The following PTPRA variants were observed in gnomAD, a reference collection of about 807,000 sequenced individuals.
PTPRA encodes the protein protein tyrosine phosphatase receptor type A.
In PTPRA, 25 loss-of-function variants were observed where a neutral mutation model predicts 104.8. The observed-to-expected ratio is 0.24, with a 90% CI of 0.17 to 0.33. The LOEUF (loss-of-function observed/expected upper bound fraction) is 0.33, where lower values mean the gene tolerates loss of function less well. Ranked by LOEUF, PTPRA falls within the 10% of genes least tolerant of loss-of-function variation. The pLI, the probability that PTPRA is intolerant of heterozygous loss-of-function variation, is 1.00. For missense variants in PTPRA, 765 were observed against 1,015.3 expected (o/e 0.75, Z 3.35); for synonymous variants, 323 against 368.9 (o/e 0.88, Z 1.43).
intron 9 of PTPRA, among the ~76,000 whole-genome samples, chr20:2,989,762 A>G (rs190172940): frequency 0.011 from 1,666 of 152,318 alleles, 14 homozygotes; most frequent in Non-Finnish European, 0.016. Context: ...TCACGCCTGT[A>G]ATCCCAGCAC....
At chr20:2,948,917 A>C (rs183215516) in intron 3 of PTPRA, among the ~76,000 whole-genome samples, 11 of 152,138 alleles carry the variant, frequency 7.2e-5, no homozygotes, top group Admixed American at 5.9e-4. Flanking sequence ...GCACCACTGC[A>C]CTCCAGCCTG....
chr20:3,025,943 TTTTTC>T (rs1406724354), intron 17 of PTPRA, among the ~76,000 whole-genome samples: 3 of 149,008 alleles, frequency 2.0e-5, no homozygotes, highest in African/African-American at 7.3e-5. Flanking sequence ...TGCATTTCTT[TTTTTC>T]TTTTCTTTTT....
At chr20:2,977,131 C>G (rs145336914) in intron 6 of PTPRA, among the ~76,000 whole-genome samples, 2,347 of 151,908 alleles carry the variant, frequency 0.015, 124 homozygotes, top group Admixed American at 0.09. Flanking sequence ...CAAAAATTAG[C>G]CGGGCGTGGT....
chr20:2,867,899 T>C, the PTPRA span, among the ~76,000 whole-genome samples: 2 of 152,218 alleles, frequency 1.3e-5, no homozygotes, highest in East Asian at 1.9e-4. Context: ...CAAGGAGATA[T>C]AAGTCAAATG....
intron 12 of PTPRA, among the ~76,000 whole-genome samples, 192 bp from the exon 13 acceptor site, chr20:3,017,624 G>C (rs2064530622): frequency 6.6e-6 from 1 of 152,192 alleles, no homozygotes; most frequent in Admixed American, 6.5e-5. Context: ...TCCTTGTGCA[G>C]TGCCTGGCAC....
rs1012387600 is a variant in PTPRA, at chr20:2,941,728, C to T, written c.-49-6254C>T. ...CCCCTTACTCTTTATACTTCAGACA[C>T]GGTGGCTTCTTTCAGACCCTGCTCC... On this transcript the variant is annotated intron_variant, in intron 2 of 23. Coordinates refer to ENST00000399903, the MANE Select transcript of PTPRA (RefSeq NM_001385305.1). Among the ~76,000 whole-genome samples the T allele has an allele frequency of 2.6e-5, 4 of 152,292 alleles. No individual in the cohort carries two copies. The South Asian group carries it at 6.2e-4, about 24-fold the overall frequency.
chr20:3,033,900 CAAA>C (rs10544314), intron 20 of PTPRA, among the ~76,000 whole-genome samples: 18,001 of 107,694 alleles, frequency 0.17, 1,426 homozygotes, highest in African/African-American at 0.27. Context: ...AGCTCCATCT[CAAA>C]AAAAAAAAAA....
chr20:2,891,694 A>C (rs1371733475), intron 1 of PTPRA, among the ~76,000 whole-genome samples: 1 of 152,168 alleles, frequency 6.6e-6, no homozygotes, highest in African/African-American at 2.4e-5. Flanking sequence ...TGATAGTCCA[A>C]AAGGTATAGT....
Position 3,022,330 on chromosome 20 carries a change from C to G in PTPRA, c.1328+110C>G. ...GAGGAGGCTGGCACAGAGTAGATGA[C>G]CTACTGGGGCACCAGCGCAACAGCC... On this transcript the variant is annotated intron_variant, in intron 15 of 23. Coordinates refer to ENST00000399903, the MANE Select transcript of PTPRA (RefSeq NM_001385305.1). This position sits in a 1 kb window ranked among gnomAD's most constrained non-coding sequence, Gnocchi z 4.6. The G allele has an allele frequency of 7.4e-7, 1 of 1,346,802 alleles. No individual in the cohort carries two copies. The highest frequency in any genetic ancestry group is 1.0e-6 in the Non-Finnish European group (1 of 978,222). 83.4% of individuals were successfully genotyped at this position (1,346,802 alleles called of 1,614,324 possible).
intron 2 of PTPRA, among the ~76,000 whole-genome samples, chr20:2,940,251 G>A (rs998629852): frequency 2.0e-5 from 3 of 151,846 alleles, no homozygotes; most frequent in South Asian, 2.1e-4. Flanking sequence ...ACCTATGTAC[G>A]TAGTCTTTCA....
In PTPRA at chr20:3,037,400, G is replaced by C. The variant is rs2065851446; in HGVS notation, c.2334+111G>C. 6.7e-7 allele frequency: 1 copy of C among 1,496,072 alleles called. No individual in the cohort carries two copies. The allele number at this position is 1,496,072 out of a possible 1,614,324, so 92.7% of individuals were successfully genotyped here. A position where few individuals can be genotyped will look rare whatever the true frequency, so the allele number is the denominator to read the frequency against. ...GTAGTCAGAAGACTGTCTAAACACAGACCTGCCCTTGCCCTCCCAAGGTGC... is the reference window on the plus strand; with the variant it reads ...GTAGTCAGAAGACTGTCTAAACACACACCTGCCCTTGCCCTCCCAAGGTGC... On this transcript the variant is annotated intron_variant, in intron 23 of 23. Coordinates refer to ENST00000399903, the MANE Select transcript of PTPRA (RefSeq NM_001385305.1). This position sits in a 1 kb window ranked among gnomAD's most constrained non-coding sequence, Gnocchi z 4.3.
At chr20:2,916,866 G>A in intron 1 of PTPRA, among the ~76,000 whole-genome samples, 1 of 151,930 alleles carries the variant, frequency 6.6e-6, no homozygotes, top group Non-Finnish European at 1.5e-5. Flanking sequence ...GGAAGTATGA[G>A]TTCTCCAACT....
chr20:3,010,894 G>A (rs1331101245), intron 11 of PTPRA, among the ~76,000 whole-genome samples: 2 of 152,174 alleles, frequency 1.3e-5, no homozygotes, highest in South Asian at 2.1e-4. Flanking sequence ...AAAGGTTAAT[G>A]TCCAAACAAA....
chr20:2,985,979 G>A (rs540167593), intron 6 of PTPRA, among the ~76,000 whole-genome samples: 4 of 152,058 alleles, frequency 2.6e-5, no homozygotes, highest in African/African-American at 9.6e-5. Flanking sequence ...TACAGGCCCG[G>A]CTCACTGTAA....
At chr20:2,917,030 T>C (rs2059928209) in intron 1 of PTPRA, among the ~76,000 whole-genome samples, 1 of 148,954 alleles carries the variant, frequency 6.7e-6, no homozygotes, top group African/African-American at 2.5e-5. Context: ...TGGTCTTGGC[T>C]CACTGCAACC....
At chr20:2,936,518 G>A (rs987914498) in intron 2 of PTPRA, among the ~76,000 whole-genome samples, 3 of 151,892 alleles carry the variant, frequency 2.0e-5, no homozygotes, top group African/African-American at 7.3e-5. Context: ...CTGGAGTGCC[G>A]TGGTGCAATC....
At chr20:2,948,172 G>A (rs1205712367) in intron 3 of PTPRA, 148 bp downstream of exon 3, 3 of 372,218 alleles carry the variant, frequency 8.1e-6, no homozygotes, top group African/African-American at 2.1e-5. Flanking sequence ...TACTGAGACC[G>A]ATACATGTCA....
At chr20:2,978,040 A>C (rs929389289) in intron 6 of PTPRA, among the ~76,000 whole-genome samples, 1 of 152,100 alleles carries the variant, frequency 6.6e-6, no homozygotes, top group African/African-American at 2.4e-5. Flanking sequence ...AAGAGACATG[A>C]AAGAGTAAGT....
In PTPRA at chr20:2,936,823, G is replaced by T. The variant is rs2060720991; in HGVS notation, c.-49-11159G>T. Among the ~76,000 whole-genome samples, 2 of 151,946 alleles carry T rather than the reference G, an allele frequency of 1.3e-5. 1 individual carries two copies. Among genetic ancestry groups the T allele is most frequent in the South Asian group, 4.2e-4 (2 of 4,816 alleles). On this transcript the variant is annotated intron_variant, in intron 2 of 23. Coordinates refer to ENST00000399903, the MANE Select transcript of PTPRA (RefSeq NM_001385305.1). ...CAGTTCTACTAATTTCTTTTCGTTGGTATGTATAAACCATTTATATTTAAT... is the reference window on the plus strand; with the variant it reads ...CAGTTCTACTAATTTCTTTTCGTTGTTATGTATAAACCATTTATATTTAAT...
Sources: allele counts gnomAD v4.1 joint callset (sites outside exome capture counted in the v4.1 genomes callset), GRCh38; gene constraint gnomAD v4.1.1; non-coding constraint Gnocchi (gnomAD v3.1); transcripts MANE v1.5; gene names NCBI Gene and HGNC (gene_info 2026-07-23, HGNC 2026-07-21).